Variants in FLI1 observed in about 807,000 individuals in gnomAD.
The protein encoded by FLI1 is Fli-1 proto-oncogene, ETS transcription factor.
A neutral mutation model predicts 53.1 loss-of-function variants in FLI1; 13 were observed. That is an observed-to-expected ratio of 0.24 (90% confidence interval 0.16 to 0.39). FLI1 has a LOEUF of 0.39. Ranked by LOEUF, FLI1 falls within the 10% of genes least tolerant of loss-of-function variation. The pLI is 1.00. For missense variants in FLI1, 424 were observed against 600.5 expected, an observed-to-expected ratio of 0.71 and a Z score of 3.07; for synonymous variants, 244 against 236.7, an observed-to-expected ratio of 1.03 and a Z score of -0.28.
intron 1 of FLI1, among the ~76,000 whole-genome samples, chr11:128,739,662 AG>A (rs1195030323): frequency 6.6e-6 from 1 of 151,992 alleles, no homozygotes; most frequent in South Asian, 2.1e-4. Context: ...TTGATTTATT[AG>A]GGGGGAAAAA....
intron 1 of FLI1, among the ~76,000 whole-genome samples, chr11:128,704,543 A>G (rs1938474460): frequency 6.6e-6 from 1 of 152,232 alleles, no homozygotes; most frequent in Middle Eastern, 3.2e-3. Context: ...TTTAATTGAA[A>G]GGAAATTGAA....
intron 5 of FLI1, among the ~76,000 whole-genome samples, chr11:128,784,220 T>TCTCCTCCTCCTCCTC (rs61050928): frequency 1.4e-3 from 170 of 117,886 alleles, no homozygotes; most frequent in Middle Eastern, 4.6e-3. Flanking sequence ...TTGCTAACCA[T>TCTCCTCCTCCTCCTC]CTCCTCCTCC....
chr11:128,694,116 G>A lies in FLI1; in HGVS notation c.-143G>A. ...CAACAAACGTGCACAGGGGAGTGAG[G>A]GCAGGGCGCTCGCAGGGGGCACGCA... On this transcript the variant is annotated 5_prime_UTR_variant, in exon 1 of 9. Transcript: ENST00000527786. 1 of 739,408 alleles carries A rather than the reference G, an allele frequency of 1.4e-6. No homozygotes were observed. Among genetic ancestry groups the A allele is most frequent in the Non-Finnish European group, 2.1e-6 (1 of 486,006 alleles). 45.8% of individuals were successfully genotyped at this position (739,408 alleles called of 1,614,324 possible).
At chr11:128,733,560 AG>A (rs1266337184) in intron 1 of FLI1, among the ~76,000 whole-genome samples, 6 of 152,222 alleles carry the variant, frequency 3.9e-5, no homozygotes, top group African/African-American at 1.2e-4. Flanking sequence ...ATGCAAAGTG[AG>A]TCACAGACAG....
intron 2 of FLI1, among the ~76,000 whole-genome samples, chr11:128,764,367 G>T (rs1341924449): frequency 1.3e-5 from 2 of 152,214 alleles, no homozygotes; most frequent in Non-Finnish European, 2.9e-5. Context: ...AAGGACAAGG[G>T]CTACCCTACC....
chr11:128,754,235 ATGTGTGTGTGTGTGTGTGTGTG>A (rs57171401), intron 1 of FLI1, among the ~76,000 whole-genome samples: 3 of 145,786 alleles, frequency 2.1e-5, no homozygotes, highest in African/African-American at 7.7e-5. Flanking sequence ...TAGAAGGGGG[ATGTGTGTGTGTGTGTGTGTGTG>A]TGTGTGTGTG....
chr11:128,783,629 T>C (rs1022641174), intron 5 of FLI1, among the ~76,000 whole-genome samples: 1 of 152,222 alleles, frequency 6.6e-6, no homozygotes, highest in Non-Finnish European at 1.5e-5. Flanking sequence ...TACATTTTAG[T>C]GGCAAACGCA....
intron 2 of FLI1, chr11:128,764,544 G>C: frequency 9.6e-7 from 1 of 1,042,004 alleles, no homozygotes; most frequent in Non-Finnish European, 1.4e-6. Context: ...CATGCTAGCT[G>C]TAAGTGCAGG....
At chr11:128,717,441 G>A (rs143739802) in intron 1 of FLI1, among the ~76,000 whole-genome samples, 1 of 152,350 alleles carries the variant, frequency 6.6e-6, no homozygotes, top group East Asian at 1.9e-4. Flanking sequence ...TGCTCTTCCA[G>A]ATTCTGGAGG....
chr11:128,805,795 A>T (rs1413223250), intron 6 of FLI1: 1 of 186,908 alleles, frequency 5.4e-6, no homozygotes, highest in African/African-American at 2.4e-5. Flanking sequence ...GTTGAGGCTA[A>T]GTCGTACCAA....
intron 5 of FLI1, among the ~76,000 whole-genome samples, chr11:128,796,842 G>T (rs1220693043): frequency 6.6e-6 from 1 of 152,230 alleles, no homozygotes; most frequent in Non-Finnish European, 1.5e-5. Flanking sequence ...AGGCATGGTG[G>T]CAGGCGCCTA....
chr11:128,689,912 G>A (rs1425936886), upstream of FLI1, among the ~76,000 whole-genome samples: 1 of 149,558 alleles, frequency 6.7e-6, no homozygotes, highest in African/African-American at 2.4e-5. Context: ...AACCCGCTCA[G>A]CGCTAAGGCA....
intron 1 of FLI1, among the ~76,000 whole-genome samples, chr11:128,704,345 C>G (rs1313260103): frequency 6.6e-6 from 1 of 152,030 alleles, no homozygotes; most frequent in Non-Finnish European, 1.5e-5. Context: ...GTGAGTTTCT[C>G]CGAGCTGGTT....
At chr11:128,792,685 G>A (rs1278748148) in intron 5 of FLI1, among the ~76,000 whole-genome samples, 2 of 151,814 alleles carry the variant, frequency 1.3e-5, no homozygotes, top group South Asian at 2.1e-4. Context: ...TCATTGTTAT[G>A]CTTTATAATT....
intron 2 of FLI1, among the ~76,000 whole-genome samples, chr11:128,760,947 C>T (rs1179623505): frequency 6.6e-6 from 1 of 152,188 alleles, no homozygotes; most frequent in African/African-American, 2.4e-5. Flanking sequence ...CTGCTCTCCC[C>T]ACTTCCTCCT....
upstream of FLI1, chr11:128,691,715 T>C (rs906952736): frequency 3.3e-5 from 5 of 152,424 alleles, no homozygotes; most frequent in Non-Finnish European, 7.3e-5. Context: ...TAGTTCCATA[T>C]TGAATAATTC....
intron 1 of FLI1, among the ~76,000 whole-genome samples, chr11:128,735,147 G>T (rs1162941580): frequency 6.6e-6 from 1 of 152,178 alleles, no homozygotes; most frequent in Non-Finnish European, 1.5e-5. Flanking sequence ...TAAGATTATA[G>T]ATGTGGGAAG....
At chr11:128,766,931 G>T (rs951592421) in intron 2 of FLI1, among the ~76,000 whole-genome samples, 2 of 126,524 alleles carry the variant, frequency 1.6e-5, no homozygotes, top group African/African-American at 5.2e-5. Context: ...TTCCTGCTCA[G>T]TATAATGGCG....
intron 1 of FLI1, among the ~76,000 whole-genome samples, chr11:128,687,439 C>T (rs372809403): frequency 6.6e-6 from 1 of 152,128 alleles, no homozygotes; most frequent in Non-Finnish European, 1.5e-5. Flanking sequence ...GCCATGCAGC[C>T]GCGACCTGAC....
Sources: allele counts gnomAD v4.1 joint callset (sites outside exome capture counted in the v4.1 genomes callset), GRCh38; gene constraint gnomAD v4.1.1; transcripts MANE v1.5; gene names NCBI Gene and HGNC (gene_info 2026-07-23, HGNC 2026-07-21).